Variants in SEMA6B observed in about 807,000 individuals in gnomAD.
SEMA6B encodes semaphorin 6B, also known as semaphorin-6B.
A neutral mutation model predicts 78.6 loss-of-function variants in SEMA6B; 47 were observed. That is an observed-to-expected ratio of 0.60 (90% CI 0.47 to 0.76). The LOEUF (loss-of-function observed/expected upper bound fraction) is 0.76, where lower values mean the gene tolerates loss of function less well. Among genes scored for constraint, SEMA6B ranks in the 30% least tolerant of loss-of-function variants. The pLI is 0.00. For synonymous variants in SEMA6B, 632 were observed against 592.2 expected, an observed-to-expected ratio of 1.07 and a Z score of -0.98; for missense variants, 1,213 against 1,269.9, an observed-to-expected ratio of 0.96 and a Z score of 0.68.
intron 4 of SEMA6B, 37 bp downstream of exon 4, chr19:4,557,126 C>A: frequency 6.3e-7 from 1 of 1,596,604 alleles, no homozygotes; most frequent in East Asian, 2.2e-5. Context: ...GTCCCCCTGG[C>A]CCTACCCCTC....
intron 13 of SEMA6B, 25 bp from the exon 14 acceptor site, chr19:4,548,198 C>T (rs1178466638): frequency 1.3e-6 from 2 of 1,588,700 alleles, no homozygotes; most frequent in East Asian, 2.3e-5. Context: ...AGTGGTGAGG[C>T]TGAGCGCATC....
rs745310179 is a variant in SEMA6B at position 4,555,944 on chromosome 19, G to C, written c.471+44C>G. 1.3e-6 allele frequency: 2 copies of C among 1,485,060 alleles called. No homozygotes were observed. The highest frequency in any genetic ancestry group is 2.8e-5 in the African/African-American group (2 of 72,248). The allele number at this position is 1,485,060 out of a possible 1,614,324, so 92.0% of individuals were successfully genotyped here. On this transcript the variant is annotated intron_variant, in intron 6 of 16. Coordinates refer to ENST00000586582, the MANE Select transcript of SEMA6B (RefSeq NM_032108.4). This position sits in a 1 kb window ranked among gnomAD's most constrained non-coding sequence, Gnocchi z 6.1. ...GGCCAGCGGAGGTCGGGCGAGCAGA[G>C]GCCTGGAGGTTGGACCTGGGGCGCA... is the stretch of plus-strand genomic sequence containing the variant.
rs370376709 is a variant in SEMA6B at position 4,542,911 on chromosome 19, G to T, written c.*690C>A. The T allele has an allele frequency of 4.5e-4, 317 of 701,174 alleles. 4 individuals carry two copies. The East Asian group carries it at 6.6e-3, about 15-fold the overall frequency. The allele number at this position is 701,174 out of a possible 1,614,324, so 43.4% of individuals were successfully genotyped here. A position where few individuals can be genotyped will look rare whatever the true frequency, so the allele number is the denominator to read the frequency against. ...CCGCTTCCCTCTGCAGAGTGGGGGGGGTTCAAACTCCTAACCGGCACCTCG... is the reference window on the plus strand; with the variant it reads ...CCGCTTCCCTCTGCAGAGTGGGGGGTGTTCAAACTCCTAACCGGCACCTCG... On this transcript the variant is annotated 3_prime_UTR_variant, in exon 17 of 17. Transcript: ENST00000586582.
intron 5 of SEMA6B, 113 bp from the exon 6 acceptor site, chr19:4,556,202 CA>C: frequency 2.7e-6 from 2 of 733,938 alleles, no homozygotes; most frequent in Non-Finnish European, 4.8e-6. Context: ...TGGGCATGGC[CA>C]AGGCAGGGGC....
chr19:4,552,747 G>T lies in SEMA6B; in HGVS notation c.772-108C>A. ...AACTGTGATGGAGGAGTCTGACCCT[G>T]GCTCTGGTGGGACCCCGGCCAGTCA... On this transcript the variant is annotated intron_variant, in intron 9 of 16. Coordinates refer to ENST00000586582, the MANE Select transcript of SEMA6B (RefSeq NM_032108.4). The surrounding 1 kb of genome is among the most constrained non-coding windows in gnomAD (Gnocchi z 7.4). The T allele has an allele frequency of 1.9e-6, 2 of 1,055,046 alleles. No individual in the cohort carries two copies. Among genetic ancestry groups the T allele is most frequent in the Non-Finnish European group, 2.7e-6 (2 of 743,782 alleles). The allele number at this position is 1,055,046 out of a possible 1,614,324, so 65.4% of individuals were successfully genotyped here.
In SEMA6B at chr19:4,554,364, C is replaced by T. The variant is rs573826729; in HGVS notation, c.771+24G>A. On this transcript the variant is annotated intron_variant, in intron 9 of 16. Coordinates refer to ENST00000586582, the MANE Select transcript of SEMA6B (RefSeq NM_032108.4). ...TCGCATGATCAGAGCCTCTCAACTTCATGCCCCACTGCACCGGCCTCACCT... is the reference window on the plus strand; with the variant it reads ...TCGCATGATCAGAGCCTCTCAACTTTATGCCCCACTGCACCGGCCTCACCT... The T allele has an allele frequency of 2.1e-4, 339 of 1,583,992 alleles. 5 individuals are homozygous for T. The South Asian group carries it at 3.6e-3, about 17-fold the overall frequency.
In SEMA6B at chr19:4,552,399, T is replaced by A. The variant is rs1242895265; in HGVS notation, c.989+23A>T. The stretch of plus-strand genomic sequence containing the variant: ...CCATGCCCACCAAATGCTCCCAGTT[T>A]GCTCCCATTGGTGGGCGCTGACCTG... On this transcript the variant is annotated intron_variant, in intron 10 of 16. Coordinates refer to ENST00000586582, the MANE Select transcript of SEMA6B (RefSeq NM_032108.4). The surrounding 1 kb of genome is among the most constrained non-coding windows in gnomAD (Gnocchi z 7.4). 6.4e-7 allele frequency: 1 copy of A among 1,553,612 alleles called. No individual in the cohort carries two copies. Among genetic ancestry groups the A allele is most frequent in the Middle Eastern group, 1.7e-4 (1 of 5,936 alleles).
rs1977400330 is a variant in SEMA6B, at chr19:4,553,801, A to G, written c.771+587T>C. ...ATGGATGGGTGGATGGGATGGATGG[A>G]TGGATGAATGGATGGGTGAATGGAT... On this transcript the variant is annotated intron_variant, in intron 9 of 16. Transcript: ENST00000586582. Among the ~76,000 whole-genome samples, 6 of 144,534 alleles carry G rather than the reference A, an allele frequency of 4.2e-5. No homozygotes were observed. In the Admixed American group the frequency reaches 4.2e-4, roughly 10 times the overall value. The allele number at this position is 144,534 out of a possible 152,430, so 94.8% of individuals were successfully genotyped here. A position where few individuals can be genotyped will look rare whatever the true frequency, so the allele number is the denominator to read the frequency against.
At chr19:4,549,819 G>T (rs927085769) in intron 12 of SEMA6B, among the ~76,000 whole-genome samples, 1 of 151,292 alleles carries the variant, frequency 6.6e-6, no homozygotes, top group Non-Finnish European at 1.5e-5. Context: ...CTCCATGTTG[G>T]CCAGGGTGGT....
chr19:4,557,290 C>CAT, intron 3 of SEMA6B, 67 bp from the exon 4 acceptor site: 4 of 1,196,558 alleles, frequency 3.3e-6, no homozygotes, highest in Non-Finnish European at 4.8e-6. Context: ...ATCCTTCCCA[C>CAT]TGCCAATGTG....
At chr19:4,549,720 C>T (rs10403643) in intron 12 of SEMA6B, among the ~76,000 whole-genome samples, 66,250 of 152,058 alleles carry the variant, frequency 0.44, 15,550 homozygotes, top group East Asian at 0.84. Context: ...CCTCGTGATC[C>T]GCCTGCCTCG....
intron 3 of SEMA6B, among the ~76,000 whole-genome samples, chr19:4,557,617 C>T (rs1977507550): frequency 6.6e-6 from 1 of 152,202 alleles, no homozygotes; most frequent in Non-Finnish European, 1.5e-5. Context: ...CTCTCCAAAG[C>T]ATTTGATCTG....
Position 4,552,464 on chromosome 19 carries a change from C to T in SEMA6B, c.947G>A (p.Gly316Asp), listed in dbSNP as rs753687223. Residue 316 changes from glycine to aspartate, a missense_variant, in exon 10 of 17, where the codon GGC becomes GAC. Transcript: ENST00000586582. This position sits in a 1 kb window ranked among gnomAD's most constrained non-coding sequence, Gnocchi z 7.4. The stretch of plus-strand genomic sequence containing the variant: ...AAAAACGGCCAGGACCACGGGCCGG[C>T]CCCCGAGGCTGACCACGCCCGTGAC... ...QAVTGVVSLG[G>D]RPVVLAVFST... The T allele has an allele frequency of 4.4e-6, 7 of 1,606,522 alleles. No individual in the cohort carries two copies. In the South Asian group the frequency reaches 5.6e-5, roughly 13 times the overall value.
At position 4,555,935 on chromosome 19, in the gene SEMA6B, G is replaced by A. The variant is rs1387606314; in HGVS notation, c.471+53C>T. 3.5e-6 allele frequency: 5 copies of A among 1,422,154 alleles called. No homozygotes were observed. The highest frequency in any genetic ancestry group is 5.0e-6 in the Non-Finnish European group (5 of 1,005,574). The allele number at this position is 1,422,154 out of a possible 1,614,324, so 88.1% of individuals were successfully genotyped here. The stretch of plus-strand genomic sequence containing the variant: ...AAAAGCCATGGCCAGCGGAGGTCGG[G>A]CGAGCAGAGGCCTGGAGGTTGGACC... On this transcript the variant is annotated intron_variant, in intron 6 of 16. Transcript: ENST00000586582. This position sits in a 1 kb window ranked among gnomAD's most constrained non-coding sequence, Gnocchi z 6.1.
chr19:4,547,313 T>C (rs1221788316), intron 14 of SEMA6B, among the ~76,000 whole-genome samples: 1 of 152,180 alleles, frequency 6.6e-6, no homozygotes. Flanking sequence ...AACAAATCTG[T>C]GTGCAGGGCA....
At chr19:4,556,840 GGGGCGTGGCCAGGGCTGGCGGGGT>G in intron 5 of SEMA6B, 87 bp downstream of exon 5, 1 of 971,062 alleles carries the variant, frequency 1.0e-6, no homozygotes, top group South Asian at 1.5e-5. Context: ...GGGGTGGGTT[GGGGCGTGGCCAGGGCTGGCGGGGT>G]GGGCGTGGCC....
chr19:4,549,975 A>T, intron 12 of SEMA6B, 148 bp downstream of exon 12: 4 of 728,618 alleles, frequency 5.5e-6, no homozygotes, highest in Non-Finnish European at 8.9e-6. Flanking sequence ...GTGTCTCTCC[A>T]TCTTTCCCTC....
At chr19:4,557,102 CGGCGCA>C in intron 4 of SEMA6B, 55 bp downstream of exon 4, 1 of 1,589,858 alleles carries the variant, frequency 6.3e-7, no homozygotes, top group Non-Finnish European at 8.6e-7. Flanking sequence ...CCCAGCTCCC[CGGCGCA>C]GTGCCGCGTC....
chr19:4,550,937 G>A lies in SEMA6B; in HGVS notation c.990-7C>T. 1 of 1,613,518 alleles carries A rather than the reference G, an allele frequency of 6.2e-7. No homozygotes were observed. The highest frequency in any genetic ancestry group is 8.5e-7 in the Non-Finnish European group (1 of 1,179,954). On this transcript the variant is annotated splice_polypyrimidine_tract_variant and splice_region_variant and intron_variant, in intron 10 of 16. Coordinates refer to ENST00000586582, the MANE Select transcript of SEMA6B (RefSeq NM_032108.4). The surrounding 1 kb of genome is among the most constrained non-coding windows in gnomAD (Gnocchi z 6.6). ...GACAGCCGAGCCAGGGATGCTGAGG[G>A]GTTGGGATGAAAGAGTTTGGTGAGC...
Sources: allele counts gnomAD v4.1 joint callset (sites outside exome capture counted in the v4.1 genomes callset), GRCh38; gene constraint gnomAD v4.1.1; non-coding constraint Gnocchi (gnomAD v3.1); transcripts MANE v1.5; gene names NCBI Gene and HGNC (gene_info 2026-07-23, HGNC 2026-07-21).